UBASH3B: variants seen among roughly 807,000 people sequenced by gnomAD.
UBASH3B encodes ubiquitin associated and SH3 domain containing B, also known as ubiquitin-associated and SH3 domain-containing protein B.
UBASH3B carries 37 observed loss-of-function variants against 83.4 expected under a neutral mutation model. The ratio of observed to expected loss-of-function variants is 0.44; its 90% CI spans 0.34 to 0.58. The LOEUF is 0.58. UBASH3B is among the 20% of genes least tolerant of loss of function. The pLI is 0.01. For synonymous variants in UBASH3B, 304 were observed against 318.3 expected (o/e 0.96, Z 0.48); for missense variants, 657 against 827.2 (o/e 0.79, Z 2.52).
chr11:122,781,674 C>T (rs752349219), intron 4 of UBASH3B, among the ~76,000 whole-genome samples: 7 of 152,236 alleles, frequency 4.6e-5, no homozygotes, highest in African/African-American at 7.2e-5. Context: ...CATGGGAAGC[C>T]GGCCACCATG....
intron 1 of UBASH3B, among the ~76,000 whole-genome samples, chr11:122,723,983 T>C (rs939287946): frequency 9.2e-5 from 14 of 152,194 alleles, no homozygotes; most frequent in African/African-American, 2.7e-4. Context: ...TTTAAATGCT[T>C]ATGTGGACTT....
intron 1 of UBASH3B, among the ~76,000 whole-genome samples, chr11:122,685,611 G>A (rs1306332917): frequency 6.6e-6 from 1 of 152,090 alleles, no homozygotes; most frequent in Non-Finnish European, 1.5e-5. Flanking sequence ...CCACTTCCTG[G>A]GTTCCAGCGA....
At chr11:122,776,896 G>C (rs1180221586) in intron 2 of UBASH3B, 128 bp from the exon 3 acceptor site, 1 of 806,738 alleles carries the variant, frequency 1.2e-6, no homozygotes, top group African/African-American at 1.8e-5. Flanking sequence ...TTTAAATCAT[G>C]AATGAAAACC....
In UBASH3B at chr11:122,682,630, G is replaced by A. The variant is rs12223025; in HGVS notation, c.161+26420G>A. The stretch of plus-strand genomic sequence containing the variant: ...AGGAAGATGGTAATTAGGACACTAG[G>A]GGCCAGCTCTCCTCTCATTCTCTCC... On this transcript the variant is annotated intron_variant, in intron 1 of 13. Transcript: ENST00000284273. Among the ~76,000 whole-genome samples the A allele has an allele frequency of 0.011, 1,721 of 152,164 alleles. 54 individuals carry two copies. The East Asian group carries it at 0.13, about 12-fold the overall frequency.
intron 1 of UBASH3B, among the ~76,000 whole-genome samples, chr11:122,700,238 A>G (rs1020747242): frequency 2.0e-5 from 3 of 152,220 alleles, no homozygotes; most frequent in Non-Finnish European, 4.4e-5. Flanking sequence ...GAACTAGCAC[A>G]AAGTCCCCAG....
chr11:122,668,797 T>C lies in UBASH3B; in HGVS notation c.161+12587T>C, dbSNP rs147904925. ...CTATTATTTGTTACCAACAATTGGG[T>C]CCTGGTACTTTGAGGCTCTCAAAGT... is the stretch of plus-strand genomic sequence containing the variant. On this transcript the variant is annotated intron_variant, in intron 1 of 13. Coordinates refer to ENST00000284273, the MANE Select transcript of UBASH3B (RefSeq NM_032873.5). Among the ~76,000 whole-genome samples the C allele has an allele frequency of 1.3e-3, 195 of 152,284 alleles. 1 individual carries two copies. Among genetic ancestry groups the C allele is most frequent in the African/African-American group, 4.5e-3 (187 of 41,558 alleles).
In UBASH3B at chr11:122,808,153, G is replaced by T. The variant is rs910520942; in HGVS notation, c.1789G>T (p.Asp597Tyr). 3.7e-6 allele frequency: 6 copies of T among 1,614,006 alleles called. No individual in the cohort carries two copies. In the Middle Eastern group the frequency reaches 4.9e-4, roughly 133 times the overall value. The change falls in exon 13 of 14, where the codon GAC becomes TAC. Residue 597 changes from aspartate to tyrosine, a missense_variant. Around this residue, in one of 3 missense-constraint regions of UBASH3B, gnomAD observed 573 missense variants for 739.0 expected, o/e 0.78. Transcript: ENST00000284273. ...LQGLSPQNSK[D>Y]FVQMVRKIPY... ...GGGCCTGTCACCTCAGAACTCCAAG[G>T]ACTTCGTACAAATGGTCCGAAAGGT... is the stretch of plus-strand genomic sequence containing the variant.
intron 1 of UBASH3B, among the ~76,000 whole-genome samples, chr11:122,766,526 C>T (rs1387010186): frequency 1.3e-5 from 2 of 152,004 alleles, no homozygotes; most frequent in South Asian, 2.1e-4. Flanking sequence ...GCCTGGGCGA[C>T]GGAGCCAGCG....
intron 12 of UBASH3B, among the ~76,000 whole-genome samples, chr11:122,807,604 G>A (rs965704750): frequency 2.0e-5 from 3 of 152,060 alleles, no homozygotes; most frequent in Admixed American, 6.6e-5. Flanking sequence ...AGGCTGGAGC[G>A]CAGTGATGCA....
intron 1 of UBASH3B, among the ~76,000 whole-genome samples, chr11:122,705,157 A>G (rs1864098484): frequency 6.6e-6 from 1 of 152,150 alleles, no homozygotes; most frequent in African/African-American, 2.4e-5. Context: ...AGCTAAATCT[A>G]AAATCCTGGC....
intron 1 of UBASH3B, among the ~76,000 whole-genome samples, chr11:122,693,932 T>C (rs927386533): frequency 6.6e-5 from 10 of 152,144 alleles, no homozygotes; most frequent in African/African-American, 2.4e-4. Context: ...ATTCATTCAG[T>C]CATTCACCCA....
At chr11:122,742,331 T>G (rs1188212572) in intron 1 of UBASH3B, among the ~76,000 whole-genome samples, 1 of 152,244 alleles carries the variant, frequency 6.6e-6, no homozygotes, top group Non-Finnish European at 1.5e-5. Context: ...GTCTCTCGTT[T>G]CAGTCTTGAA....
At chr11:122,744,857 G>C (rs1861086179) in intron 1 of UBASH3B, among the ~76,000 whole-genome samples, 1 of 146,448 alleles carries the variant, frequency 6.8e-6, no homozygotes, top group African/African-American at 2.6e-5. Flanking sequence ...TGTTGAGTAT[G>C]ATCACATGTG....
chr11:122,657,326 T>C (rs1273793964), intron 1 of UBASH3B, among the ~76,000 whole-genome samples: 1 of 152,176 alleles, frequency 6.6e-6, no homozygotes, highest in Non-Finnish European at 1.5e-5. Context: ...AGACGGAGTC[T>C]CGCTGTGTCG....
chr11:122,672,102 G>A (rs1429741470), intron 1 of UBASH3B, among the ~76,000 whole-genome samples: 2 of 151,988 alleles, frequency 1.3e-5, no homozygotes, highest in Non-Finnish European at 2.9e-5. Context: ...TCCAACAAAA[G>A]TTTACTGAGC....
intron 1 of UBASH3B, among the ~76,000 whole-genome samples, chr11:122,717,284 C>T (rs1860541323): frequency 6.6e-6 from 1 of 152,240 alleles, no homozygotes; most frequent in South Asian, 2.1e-4. Flanking sequence ...CTAAGAACCA[C>T]CACTTCCTGG....
At chr11:122,665,210 C>G (rs1434100173) in intron 1 of UBASH3B, among the ~76,000 whole-genome samples, 1 of 151,786 alleles carries the variant, frequency 6.6e-6, no homozygotes, top group East Asian at 1.9e-4. Flanking sequence ...GTGTGTTTCA[C>G]TCTGTCTCCC....
Position 122,655,843 on chromosome 11 carries a change from C to T in UBASH3B, c.-207C>T, listed in dbSNP as rs953343919. Reference sequence around the variant, plus strand: ...TGGCTGAGGCTGGTCCCGCAGCGGCCGCTTGCCGGCGTTCTGGCTCCTGTG... The same window carrying T: ...TGGCTGAGGCTGGTCCCGCAGCGGCTGCTTGCCGGCGTTCTGGCTCCTGTG... On this transcript the variant is annotated 5_prime_UTR_variant, in exon 1 of 14. Transcript: ENST00000284273. The T allele has an allele frequency of 3.0e-5, 16 of 535,130 alleles. No individual in the cohort carries two copies. The highest frequency in any genetic ancestry group is 2.2e-4 in the African/African-American group (11 of 50,010). The allele number at this position is 535,130 out of a possible 1,614,324, so 33.1% of individuals were successfully genotyped here. A position where few individuals can be genotyped will look rare whatever the true frequency, so the allele number is the denominator to read the frequency against.
At chr11:122,779,757 AG>A in intron 4 of UBASH3B, 62 bp downstream of exon 4, 2 of 1,594,766 alleles carry the variant, frequency 1.3e-6, no homozygotes, top group Non-Finnish European at 1.7e-6. Flanking sequence ...GAAAGGAAAA[AG>A]GATAGGAAAT....
Sources: allele counts gnomAD v4.1 joint callset (sites outside exome capture counted in the v4.1 genomes callset), GRCh38; gene constraint gnomAD v4.1.1; regional missense constraint gnomAD v4.1.1; transcripts MANE v1.5; gene names NCBI Gene and HGNC (gene_info 2026-07-23, HGNC 2026-07-21).